The following SEC62 variants were observed in gnomAD, a reference collection of about 807,000 sequenced individuals.
The protein encoded by SEC62 is SEC62 preprotein translocation factor.
A neutral mutation model predicts 47.5 loss-of-function variants in SEC62; 10 were observed. The observed-to-expected ratio is 0.21, with a 90% CI of 0.13 to 0.36. The LOEUF is 0.36. Ranked by LOEUF, SEC62 falls within the 10% of genes least tolerant of loss-of-function variation. SEC62 has a pLI of 1.00. For synonymous variants in SEC62, 136 were observed against 150.5 expected (o/e 0.90, Z 0.71); for missense variants, 327 against 464.1 (o/e 0.70, Z 2.71).
intron 2 of SEC62, among the ~76,000 whole-genome samples, chr3:169,976,591 C>T (rs971165778): frequency 9.2e-5 from 14 of 152,140 alleles, no homozygotes; most frequent in Admixed American, 3.3e-4. Flanking sequence ...ATTTTTATTA[C>T]TTGCAGGGAG....
chr3:169,980,875 A>G (rs1355877447), intron 3 of SEC62, among the ~76,000 whole-genome samples: 1 of 152,214 alleles, frequency 6.6e-6, no homozygotes, highest in Non-Finnish European at 1.5e-5. Flanking sequence ...TTTTCAATTA[A>G]CATATGAGGA....
chr3:169,988,566 A>T (rs539912107), intron 7 of SEC62, among the ~76,000 whole-genome samples: 44 of 152,254 alleles, frequency 2.9e-4, no homozygotes, highest in East Asian at 1.7e-3. Flanking sequence ...CTTTAAAAAA[A>T]TTTTTTAATA....
At chr3:169,968,962 A>G (rs1004871148) in intron 1 of SEC62, among the ~76,000 whole-genome samples, 3 of 152,240 alleles carry the variant, frequency 2.0e-5, no homozygotes, top group Non-Finnish European at 4.4e-5. Context: ...ATGAAAATAT[A>G]CTAGCCTAGA....
chr3:169,991,583 C>T (rs939594587), intron 7 of SEC62, among the ~76,000 whole-genome samples: 1 of 151,968 alleles, frequency 6.6e-6, no homozygotes, highest in Non-Finnish European at 1.5e-5. Flanking sequence ...CATGGTGGCA[C>T]GTACCTGCTA....
At chr3:169,983,126 G>A (rs187032384) in intron 4 of SEC62, 35 bp from the exon 5 acceptor site, 7 of 1,533,684 alleles carry the variant, frequency 4.6e-6, no homozygotes, top group Non-Finnish European at 6.3e-6. Flanking sequence ...TTGCTTACTT[G>A]TGTTATTTCT....
intron 1 of SEC62, among the ~76,000 whole-genome samples, chr3:169,974,550 A>G (rs1481777482): frequency 1.3e-5 from 2 of 152,252 alleles, no homozygotes; most frequent in Non-Finnish European, 2.9e-5. Flanking sequence ...GGGAAAAGAT[A>G]TAGAAGAAAG....
chr3:169,970,107 C>A (rs1714662055), intron 1 of SEC62, among the ~76,000 whole-genome samples: 1 of 152,106 alleles, frequency 6.6e-6, no homozygotes, highest in Non-Finnish European at 1.5e-5. Flanking sequence ...AGAAAACTAC[C>A]CCTCAAAGGC....
At chr3:169,988,913 AAAT>A (rs1407214163) in intron 7 of SEC62, among the ~76,000 whole-genome samples, 1 of 152,152 alleles carries the variant, frequency 6.6e-6, no homozygotes, top group Non-Finnish European at 1.5e-5. Flanking sequence ...TGCAACATCT[AAAT>A]AATCTATGCA....
At chr3:169,991,191 C>T (rs546659001) in intron 7 of SEC62, among the ~76,000 whole-genome samples, 1 of 152,212 alleles carries the variant, frequency 6.6e-6, no homozygotes, top group South Asian at 2.1e-4. Flanking sequence ...ATCTTGCTTT[C>T]ATTAACATTG....
rs778191128 is a variant in SEC62 at position 169,993,202 on chromosome 3, T to C, written c.*139T>C. 60 of 657,932 alleles carry C rather than the reference T, an allele frequency of 9.1e-5. No individual in the cohort carries two copies. Among genetic ancestry groups the C allele is most frequent in the Non-Finnish European group, 1.4e-4 (53 of 387,616 alleles). 40.8% of individuals were successfully genotyped at this position (657,932 alleles called of 1,614,324 possible). On this transcript the variant is annotated 3_prime_UTR_variant, in exon 8 of 8. Coordinates refer to ENST00000337002, the MANE Select transcript of SEC62 (RefSeq NM_003262.4). Reference sequence around the variant, plus strand: ...AATGTATTTGACATTCAAGCAGTTATATTCGGTCCTTCATTTTATAGAATA... The same window carrying C: ...AATGTATTTGACATTCAAGCAGTTACATTCGGTCCTTCATTTTATAGAATA...
At chr3:169,972,749 AT>A (rs150436487) in intron 1 of SEC62, among the ~76,000 whole-genome samples, 2 of 151,680 alleles carry the variant, frequency 1.3e-5, no homozygotes, top group Non-Finnish European at 2.9e-5. Flanking sequence ...TTTCAAAAAT[AT>A]TTTTTCTGCC....
At chr3:169,987,821 A>C (rs1576863637) in intron 6 of SEC62, among the ~76,000 whole-genome samples, 1 of 152,310 alleles carries the variant, frequency 6.6e-6, no homozygotes, top group African/African-American at 2.4e-5. Flanking sequence ...CAGAAGAAGA[A>C]TCTCCAGAGA....
intron 3 of SEC62, among the ~76,000 whole-genome samples, chr3:169,979,203 A>G (rs1392890221): frequency 6.6e-6 from 1 of 152,198 alleles, no homozygotes; most frequent in Non-Finnish European, 1.5e-5. Flanking sequence ...GCATAACTTT[A>G]AGGTCTCCAG....
chr3:169,985,775 T>C (rs747708358), intron 5 of SEC62, 30 bp from the exon 6 acceptor site: 3 of 1,587,766 alleles, frequency 1.9e-6, no homozygotes, highest in East Asian at 2.2e-5. Context: ...ATTAGAACTT[T>C]TAAGCACCGA....
At chr3:169,983,118 G>T in intron 4 of SEC62, 43 bp from the exon 5 acceptor site, 1 of 1,511,710 alleles carries the variant, frequency 6.6e-7, no homozygotes, top group African/African-American at 1.4e-5. Flanking sequence ...CATATTTCTT[G>T]CTTACTTGTG....
Position 169,992,735 on chromosome 3 carries a change from C to T in SEC62, c.872C>T (p.Ala291Val). ...ACACATGAATACAAAGGACCAAAAG[C>T]AGACTTAAAGAAAGATGAGAAGTCT... is the stretch of plus-strand genomic sequence containing the variant. The part of the protein sequence containing the change: ...LYTHEYKGPK[A>V]DLKKDEKSET... Residue 291 changes from alanine to valine, a missense_variant, in exon 8 of 8, where the codon GCA becomes GTA. Coordinates refer to ENST00000337002, the MANE Select transcript of SEC62 (RefSeq NM_003262.4). The surrounding 1 kb of genome is among the most constrained non-coding windows in gnomAD (Gnocchi z 4.0). 1 of 1,614,048 alleles carries T rather than the reference C, an allele frequency of 6.2e-7. No homozygotes were observed. Among genetic ancestry groups the T allele is most frequent in the Non-Finnish European group, 8.5e-7 (1 of 1,180,032 alleles).
chr3:169,969,038 C>A (rs771172740), intron 1 of SEC62, among the ~76,000 whole-genome samples: 1 of 152,032 alleles, frequency 6.6e-6, no homozygotes, highest in Non-Finnish European at 1.5e-5. Flanking sequence ...ATAAAAAGAT[C>A]AAATGTAATG....
Position 169,995,426 on chromosome 3 carries a change from C to T in SEC62, c.*2363C>T, listed in dbSNP as rs1216473772. 6.6e-6 allele frequency: 1 copy of T among 152,012 alleles called. No homozygotes were observed. The highest frequency in any genetic ancestry group is 2.4e-5 in the African/African-American group (1 of 41,370). The allele number at this position is 152,012 out of a possible 1,614,324, so 9.4% of individuals were successfully genotyped here. On this transcript the variant is annotated 3_prime_UTR_variant, in exon 8 of 8. Coordinates refer to ENST00000337002, the MANE Select transcript of SEC62 (RefSeq NM_003262.4). The stretch of plus-strand genomic sequence containing the variant: ...TTACTGGATTTTTCAATTTTCAAAC[C>T]ATATGGCCTAGGTAACTTTAATTGA...
At chr3:169,970,682 A>C (rs1331432001) in intron 1 of SEC62, among the ~76,000 whole-genome samples, 4 of 152,222 alleles carry the variant, frequency 2.6e-5, no homozygotes, top group Non-Finnish European at 4.4e-5. Context: ...GTTGGGTGCA[A>C]AGAAAGGAAA....
Sources: gnomAD v4.1 joint callset for allele counts (sites outside exome capture counted in the v4.1 genomes callset) on GRCh38, gnomAD v4.1.1 for gene constraint, Gnocchi (gnomAD v3.1) non-coding constraint, MANE v1.5 for transcripts, NCBI Gene and HGNC (gene_info 2026-07-23, HGNC 2026-07-21) for gene names.